GIT2: variants seen among roughly 807,000 people sequenced by gnomAD.
GIT2 encodes the protein ARF GTPase-activating protein GIT2.
A neutral mutation model predicts 100.3 loss-of-function variants in GIT2; 32 were observed. That is an observed-to-expected ratio of 0.32 (90% CI 0.24 to 0.43). GIT2 has a LOEUF of 0.43. Among genes scored for constraint, GIT2 ranks in the 20% least tolerant of loss-of-function variants. The pLI, the probability that GIT2 is intolerant of heterozygous loss-of-function variation, is 1.00. For missense variants in GIT2, 737 were observed against 975.1 expected, an observed-to-expected ratio of 0.76 and a Z score of 3.25; for synonymous variants, 353 against 364.1, an observed-to-expected ratio of 0.97 and a Z score of 0.35.
At chr12:109,941,189 C>A (rs1874573786) in intron 16 of GIT2, among the ~76,000 whole-genome samples, 1 of 152,190 alleles carries the variant, frequency 6.6e-6, no homozygotes. Flanking sequence ...CTAAAATTCA[C>A]TATGAACTCG....
chr12:109,986,824 G>C (rs1419086430), intron 4 of GIT2, among the ~76,000 whole-genome samples: 1 of 152,070 alleles, frequency 6.6e-6, no homozygotes. Flanking sequence ...GGGCCTGGTG[G>C]CACGTGCCTG....
chr12:109,933,100 C>G lies in GIT2; in HGVS notation c.2158G>C (p.Gly720Arg), dbSNP rs762643976. 2.3e-5 allele frequency: 37 copies of G among 1,612,934 alleles called. No individual in the cohort carries two copies. The African/African-American group carries it at 3.7e-4, about 16-fold the overall frequency. Residue 720 changes from glycine (G) to arginine (R), a missense_variant, in exon 20 of 20, where the codon GGG becomes CGG. Transcript: ENST00000355312. The surrounding 1 kb of genome is among the most constrained non-coding windows in gnomAD (Gnocchi z 4.5). Reference protein sequence around the residue: ...LQSECKKTLPGDPGSPTDVQL... With the variant: ...LQSECKKTLPRDPGSPTDVQL... ...ACGTCTGTGGGTGAGCCGGGGTCCC[C>G]TGGGAGGGTCTTCTTGCACTCTGAC...
chr12:109,996,656 G>A (rs1889482235), upstream of GIT2, among the ~76,000 whole-genome samples: 1 of 152,232 alleles, frequency 6.6e-6, no homozygotes, highest in South Asian at 2.1e-4. Flanking sequence ...TTCAACAAAT[G>A]TTTATCAAGC....
intron 9 of GIT2, among the ~76,000 whole-genome samples, chr12:109,964,096 C>T (rs1014555356): frequency 2.0e-5 from 3 of 152,094 alleles, no homozygotes; most frequent in African/African-American, 4.8e-5. Flanking sequence ...TCTAAGAAAA[C>T]GTGGGTTTTT....
intron 4 of GIT2, among the ~76,000 whole-genome samples, chr12:109,988,266 G>A (rs1018462599): frequency 2.0e-5 from 3 of 152,258 alleles, no homozygotes; most frequent in East Asian, 1.9e-4. Context: ...GATTAAAGAC[G>A]AAACCGACTG....
Position 109,959,070 on chromosome 12 carries a change from GT to G in GIT2, c.1099+776del, listed in dbSNP as rs777221325. 8.3e-3 allele frequency among the ~76,000 whole-genome samples: 1,166 copies of G among 140,158 alleles called. 6 individuals carry two copies. Among genetic ancestry groups the G allele is most frequent in the Middle Eastern group, 0.011 (3 of 276 alleles). The allele number at this position is 140,158 out of a possible 152,430, so 91.9% of individuals were successfully genotyped here. A position where few individuals can be genotyped will look rare whatever the true frequency, so the allele number is the denominator to read the frequency against. The stretch of plus-strand genomic sequence containing the variant: ...CAATCAGGAAGAGTTTTTCTTTTCC[GT>G]TTTTTTTTTTTTTTGAAACAGAGTC... On this transcript the variant is annotated intron_variant, in intron 12 of 19. Coordinates refer to ENST00000355312, the MANE Select transcript of GIT2 (RefSeq NM_057169.5).
chr12:109,946,147 T>G (rs566722318), intron 15 of GIT2, among the ~76,000 whole-genome samples: 41 of 152,108 alleles, frequency 2.7e-4, no homozygotes, highest in Admixed American at 5.2e-4. Flanking sequence ...AAAAAAAGAT[T>G]CTTAACTTAG....
chr12:109,983,124 T>G, intron 6 of GIT2: 1 of 370,090 alleles, frequency 2.7e-6, no homozygotes, highest in African/African-American at 2.1e-5. Context: ...TGACTACAGC[T>G]CAAACATCAC....
At chr12:109,951,097 A>G in intron 14 of GIT2, 70 bp downstream of exon 14, 1 of 1,332,084 alleles carries the variant, frequency 7.5e-7, no homozygotes, top group Non-Finnish European at 1.1e-6. Flanking sequence ...ACCACATCAC[A>G]GTGCCTGAGA....
chr12:109,952,294 C>T (rs1460385638), intron 13 of GIT2, among the ~76,000 whole-genome samples: 1 of 152,156 alleles, frequency 6.6e-6, no homozygotes, highest in Non-Finnish European at 1.5e-5. Context: ...AGAGGGTGCA[C>T]AGCCTGGGGT....
At chr12:109,943,853 G>A (rs954433797) in intron 16 of GIT2, among the ~76,000 whole-genome samples, 13 of 151,630 alleles carry the variant, frequency 8.6e-5, no homozygotes, top group African/African-American at 2.7e-4. Flanking sequence ...CAACACACCC[G>A]GATAATTTTT....
At chr12:109,988,895 G>A (rs1256858812) in intron 4 of GIT2, 68 bp downstream of exon 4, 26 of 561,426 alleles carry the variant, frequency 4.6e-5, no homozygotes, top group Non-Finnish European at 6.8e-5. Context: ...CTTTTTTTTC[G>A]TTTTTTCAAA....
chr12:109,966,844 C>A (rs978226426), intron 8 of GIT2, among the ~76,000 whole-genome samples: 9 of 152,126 alleles, frequency 5.9e-5, no homozygotes, highest in African/African-American at 2.2e-4. Flanking sequence ...GACCAGGGGT[C>A]AGAAAAATTA....
At position 109,931,193 on chromosome 12, in the gene GIT2, C is replaced by T. The variant is rs986870931; in HGVS notation, c.*1785G>A. The T allele has an allele frequency of 6.6e-6, 1 of 152,250 alleles. No individual in the cohort carries two copies. Among genetic ancestry groups the T allele is most frequent in the African/African-American group, 2.4e-5 (1 of 41,466 alleles). 9.4% of individuals were successfully genotyped at this position (152,250 alleles called of 1,614,324 possible). A position where few individuals can be genotyped will look rare whatever the true frequency, so the allele number is the denominator to read the frequency against. ...GCTTAGTTATTAGCATGTATTGAGGCAACTTGTACTTTGATTCTTGTGTCT... is the reference window on the plus strand; with the variant it reads ...GCTTAGTTATTAGCATGTATTGAGGTAACTTGTACTTTGATTCTTGTGTCT... On this transcript the variant is annotated 3_prime_UTR_variant, in exon 20 of 20. Coordinates refer to ENST00000355312, the MANE Select transcript of GIT2 (RefSeq NM_057169.5).
chr12:109,980,883 G>A (rs1433752795), intron 7 of GIT2, 69 bp downstream of exon 7: 15 of 905,574 alleles, frequency 1.7e-5, no homozygotes, highest in Non-Finnish European at 2.8e-5. Flanking sequence ...ATAACAAATA[G>A]TGTCCCAACT....
Position 109,933,153 on chromosome 12 carries a change from A to G in GIT2, c.2105T>C (p.Leu702Ser), listed in dbSNP as rs1871959335. Reference sequence around the variant, plus strand: ...CAGTCGGTAGGCACTGGACGTCAGTAAACGAAGGGAAGTCCTCACCATATC... The same window carrying G: ...CAGTCGGTAGGCACTGGACGTCAGTGAACGAAGGGAAGTCCTCACCATATC... ...KSDMVRTSLR[L>S]LTSSAYRLQS... Residue 702 changes from leucine to serine, a missense_variant, in exon 20 of 20, where the codon TTA becomes TCA. Physicochemically the swap from Leu to Ser is moderately radical, Grantham distance 145 (BLOSUM62 -2). Around this residue, in one of 3 missense-constraint regions of GIT2, gnomAD observed 451 missense variants for 543.7 expected, o/e 0.83. Coordinates refer to ENST00000355312, the MANE Select transcript of GIT2 (RefSeq NM_057169.5). This position sits in a 1 kb window ranked among gnomAD's most constrained non-coding sequence, Gnocchi z 4.5. 1 of 1,582,482 alleles carries G rather than the reference A, an allele frequency of 6.3e-7. No individual in the cohort carries two copies. Among genetic ancestry groups the G allele is most frequent in the Non-Finnish European group, 8.6e-7 (1 of 1,163,108 alleles).
chr12:109,996,934 G>A (rs1464268099), upstream of GIT2, among the ~76,000 whole-genome samples: 2 of 151,878 alleles, frequency 1.3e-5, no homozygotes, highest in South Asian at 2.1e-4. Flanking sequence ...AAAATTGGCC[G>A]GGCGCGGTGG....
chr12:109,979,906 G>A (rs548911980), intron 7 of GIT2, among the ~76,000 whole-genome samples: 2 of 152,166 alleles, frequency 1.3e-5, no homozygotes, highest in Non-Finnish European at 2.9e-5. Context: ...ATCAGGGGTT[G>A]GCCAATATTT....
intron 1 of GIT2, among the ~76,000 whole-genome samples, chr12:109,992,335 C>T (rs1178125315): frequency 4.6e-5 from 7 of 151,592 alleles, no homozygotes; most frequent in Admixed American, 2.6e-4. Flanking sequence ...TTAGCTGAGA[C>T]GGGGATTCAT....
Sources: gnomAD v4.1 joint callset for allele counts (sites outside exome capture counted in the v4.1 genomes callset) on GRCh38, gnomAD v4.1.1 for gene constraint, gnomAD v4.1.1 regional missense constraint, Gnocchi (gnomAD v3.1) non-coding constraint, MANE v1.5 for transcripts, NCBI Gene and HGNC (gene_info 2026-07-23, HGNC 2026-07-21) for gene names.